IL1RAPL2: variants seen among roughly 807,000 people sequenced by gnomAD.
IL1RAPL2 encodes interleukin 1 receptor accessory protein like 2.
A neutral mutation model predicts 44.1 loss-of-function variants in IL1RAPL2; 3 were observed. The observed-to-expected ratio is 0.07, with a 90% confidence interval of 0.03 to 0.18. IL1RAPL2 has a LOEUF of 0.18. Among genes scored for constraint, IL1RAPL2 ranks in the 10% least tolerant of loss-of-function variants. The probability of loss-of-function intolerance (pLI) is 1.00; values close to 1 mark genes in which losing one functional copy is unlikely to be tolerated. For missense variants in IL1RAPL2, 391 were observed against 496.4 expected (o/e 0.79, Z 2.02); for synonymous variants, 181 against 178.8 (o/e 1.01, Z -0.10).
At chrX:104,585,361 TTATA>T (rs1261853011) in intron 1 of IL1RAPL2, among the ~76,000 whole-genome samples, 1 of 16,564 alleles carries the variant, frequency 6.0e-5, no homozygotes, top group East Asian at 2.4e-3. Flanking sequence ...ATTATATATA[TTATA>T]TATATTATAT....
At chrX:105,609,886 A>C (rs2037322844) in intron 6 of IL1RAPL2, among the ~76,000 whole-genome samples, 1 of 112,126 alleles carries the variant, frequency 8.9e-6, no homozygotes, top group Non-Finnish European at 1.9e-5. Context: ...GATTAAGCTA[A>C]TTAGAATAGA....
chrX:104,621,159 A>G (rs929250479), intron 1 of IL1RAPL2, among the ~76,000 whole-genome samples: 11 of 105,933 alleles, frequency 1.0e-4, no homozygotes, highest in Non-Finnish European at 1.9e-4. Context: ...CATTATATAT[A>G]TATTACAAGG....
intron 1 of IL1RAPL2, among the ~76,000 whole-genome samples, chrX:104,633,250 T>A (rs923758660): frequency 8.9e-6 from 1 of 111,840 alleles, no homozygotes; most frequent in Non-Finnish European, 1.9e-5. Flanking sequence ...TGCCAGTATT[T>A]TATTGAGGAT....
chrX:104,592,145 ATGTGTGTGTGTGTGTGTGTGTGTG>A (rs35940205), intron 1 of IL1RAPL2, among the ~76,000 whole-genome samples: 1 of 60,222 alleles, frequency 1.7e-5, no homozygotes, highest in Non-Finnish European at 3.1e-5. Context: ...ATGCCCGTAT[ATGTGTGTGTGTGTGTGTGTGTGTG>A]TGTGTGTGTG....
intron 5 of IL1RAPL2, among the ~76,000 whole-genome samples, chrX:105,354,254 A>T (rs1364857636): frequency 9.1e-6 from 1 of 110,443 alleles, no homozygotes. Flanking sequence ...AACCAACCCA[A>T]ATGTCCAACA....
intron 2 of IL1RAPL2, among the ~76,000 whole-genome samples, chrX:105,162,028 C>G (rs747746031): frequency 1.8e-5 from 2 of 111,962 alleles, no homozygotes; most frequent in South Asian, 7.4e-4. Flanking sequence ...TTTTTCAACC[C>G]AGTCTATGCC....
intron 4 of IL1RAPL2, among the ~76,000 whole-genome samples, chrX:105,251,580 GT>G (rs111843969): frequency 0.15 from 15,259 of 99,558 alleles, 2,343 homozygotes; most frequent in African/African-American, 0.46. Context: ...AAGTGGGGAG[GT>G]TTTTTTTTTT....
chrX:105,435,719 G>T (rs1569440608), intron 5 of IL1RAPL2, among the ~76,000 whole-genome samples: 1 of 111,805 alleles, frequency 8.9e-6, no homozygotes, highest in Non-Finnish European at 1.9e-5. Context: ...GCCACAAAAA[G>T]GAATGAGATC....
At chrX:105,348,923 G>C (rs780052308) in intron 5 of IL1RAPL2, among the ~76,000 whole-genome samples, 19 of 111,608 alleles carry the variant, frequency 1.7e-4, no homozygotes, top group Non-Finnish European at 3.2e-4. Flanking sequence ...TTGGTTTCCT[G>C]AGGAAGGAAC....
At chrX:105,639,792 G>A (rs748881912) in intron 6 of IL1RAPL2, among the ~76,000 whole-genome samples, 2 of 110,444 alleles carry the variant, frequency 1.8e-5, no homozygotes, top group African/African-American at 3.3e-5. Context: ...AGAAAGAAAG[G>A]AAAAAGGAAA....
chrX:105,433,125 G>A (rs1352952900), intron 5 of IL1RAPL2, among the ~76,000 whole-genome samples: 3 of 110,504 alleles, frequency 2.7e-5, no homozygotes, highest in African/African-American at 9.9e-5. Flanking sequence ...TGCTAGTCTA[G>A]CTATGATTGG....
chrX:105,710,954 T>TTA (rs895517546), intron 6 of IL1RAPL2, among the ~76,000 whole-genome samples: 11 of 105,129 alleles, frequency 1.0e-4, no homozygotes, highest in Admixed American at 4.2e-4. Context: ...ATATATATAT[T>TTA]TATATATATA....
intron 10 of IL1RAPL2, among the ~76,000 whole-genome samples, chrX:105,766,508 T>G (rs978294297): frequency 4.5e-5 from 5 of 111,374 alleles, no homozygotes; most frequent in Non-Finnish European, 1.9e-5. Context: ...AGTTAGTATT[T>G]GTCAATTACA....
intron 1 of IL1RAPL2, among the ~76,000 whole-genome samples, chrX:104,649,513 T>C (rs772123368): frequency 5.0e-4 from 56 of 111,634 alleles, no homozygotes; most frequent in African/African-American, 1.8e-3. Context: ...CAGACTTCAT[T>C]GCAAATTACT....
At chrX:104,761,905 C>A (rs866796099) in intron 2 of IL1RAPL2, among the ~76,000 whole-genome samples, 1 of 48,578 alleles carries the variant, frequency 2.1e-5, no homozygotes, top group East Asian at 4.2e-4. Flanking sequence ...TTCTCCTTCT[C>A]CTTCTCCTTC....
intron 3 of IL1RAPL2, among the ~76,000 whole-genome samples, chrX:105,226,775 C>T (rs2034019948): frequency 1.8e-5 from 2 of 109,469 alleles, no homozygotes; most frequent in African/African-American, 3.3e-5. Context: ...TCTCATTCCA[C>T]GCATACCAAA....
In IL1RAPL2 at chrX:105,431,907, A is replaced by G. The variant is rs969385755; in HGVS notation, c.698-52406A>G. Among the ~76,000 whole-genome samples, 68 of 111,049 alleles carry G rather than the reference A, an allele frequency of 6.1e-4. 1 individual carries two copies. The highest frequency in any genetic ancestry group is 2.2e-3 in the African/African-American group (68 of 30,664). On this transcript the variant is annotated intron_variant, in intron 5 of 10. Coordinates refer to ENST00000372582, the MANE Select transcript of IL1RAPL2 (RefSeq NM_017416.2). ...AATGTTGGTGCAAAGGGGGCCTTGC[A>G]AAAGAAAGTGGGGTTGAGAAATCTG...
At chrX:104,655,128 A>G (rs1419694517) in intron 1 of IL1RAPL2, among the ~76,000 whole-genome samples, 6 of 111,604 alleles carry the variant, frequency 5.4e-5, no homozygotes, top group Non-Finnish European at 1.1e-4. Flanking sequence ...AACAGGGACA[A>G]TTTGACTTCC....
At chrX:104,906,493 T>A (rs1449764253) in intron 2 of IL1RAPL2, among the ~76,000 whole-genome samples, 1 of 111,673 alleles carries the variant, frequency 9.0e-6, no homozygotes. Flanking sequence ...AATACCTAAT[T>A]TCTTGAGAGT....
Sources: allele counts gnomAD v4.1 joint callset (sites outside exome capture counted in the v4.1 genomes callset), GRCh38; gene constraint gnomAD v4.1.1; transcripts MANE v1.5; gene names NCBI Gene and HGNC (gene_info 2026-07-23, HGNC 2026-07-21).